NCOA2: variants seen among roughly 807,000 people sequenced by gnomAD.
NCOA2 encodes class E basic helix-loop-helix protein 75.
In NCOA2, 21 loss-of-function variants were observed where a neutral mutation model predicts 145.1. That is an observed-to-expected ratio of 0.14 (90% CI 0.10 to 0.21). The LOEUF (loss-of-function observed/expected upper bound fraction) is 0.21. Among genes scored for constraint, NCOA2 ranks in the 10% least tolerant of loss-of-function variants. The pLI is 1.00. For synonymous variants in NCOA2, 619 were observed against 637.5 expected, an observed-to-expected ratio of 0.97 and a Z score of 0.44; for missense variants, 1,472 against 1,837.6, an observed-to-expected ratio of 0.80 and a Z score of 3.64.
intron 2 of NCOA2, among the ~76,000 whole-genome samples, chr8:70,265,838 G>GTTGTTGTTGTTGTTGT (rs1563698994): frequency 1.4e-4 from 21 of 148,096 alleles, no homozygotes; most frequent in African/African-American, 5.2e-4. Context: ...TTGTTGTTTT[G>GTTGTTGTTGTTGTTGT]TTTGTTTTTT....
intron 21 of NCOA2, among the ~76,000 whole-genome samples, chr8:70,123,112 C>CAA (rs1462505729): frequency 3.9e-5 from 6 of 152,184 alleles, no homozygotes; most frequent in African/African-American, 7.2e-5. Context: ...ACTGCTATCT[C>CAA]AAATGCTTTG....
intron 2 of NCOA2, among the ~76,000 whole-genome samples, chr8:70,289,662 T>C (rs1482440724): frequency 6.6e-6 from 1 of 152,046 alleles, no homozygotes; most frequent in African/African-American, 2.4e-5. Context: ...AGTCCTTAAT[T>C]CTACTTTTTA....
chr8:70,125,322 C>A (rs180858866), intron 19 of NCOA2, among the ~76,000 whole-genome samples: 204 of 152,196 alleles, frequency 1.3e-3, no homozygotes, highest in African/African-American at 4.7e-3. Flanking sequence ...AGTACAGTGG[C>A]GTGATCATAG....
intron 1 of NCOA2, among the ~76,000 whole-genome samples, chr8:70,379,609 T>C (rs1439675017): frequency 6.6e-6 from 1 of 152,098 alleles, no homozygotes; most frequent in African/African-American, 2.4e-5. Context: ...CTGGGAAAAA[T>C]GAACTGCATT....
chr8:70,204,890 C>T (rs2133655100), intron 4 of NCOA2, among the ~76,000 whole-genome samples: 1 of 152,224 alleles, frequency 6.6e-6, no homozygotes, highest in South Asian at 2.1e-4. Flanking sequence ...CACCTATAAT[C>T]CCAGCTACTC....
At chr8:70,302,404 TGA>T (rs1477975363) in intron 1 of NCOA2, among the ~76,000 whole-genome samples, 5 of 152,152 alleles carry the variant, frequency 3.3e-5, no homozygotes, top group Non-Finnish European at 7.4e-5. Context: ...GACAAGCTCA[TGA>T]TTTCTTTCTC....
In NCOA2 at chr8:70,138,241, G is replaced by A. The variant is rs763384476; in HGVS notation, c.3120C>T (p.Ile1040=). 3.7e-6 allele frequency: 6 copies of A among 1,613,814 alleles called. No homozygotes were observed. The East Asian group carries it at 1.3e-4, about 36-fold the overall frequency. The stretch of plus-strand genomic sequence containing the variant: ...CAAAAGACGCCTGGTCTATAGGCAG[G>A]ATGCTTTCAGGCCATGGGGCAGTCT... The part of the protein sequence containing the change: ...PNQTAPWPES[I]LPIDQASFAS... The change falls in exon 15 of 23, where the codon ATC becomes ATT. Residue 1040 remains isoleucine (I), a synonymous_variant. Transcript: ENST00000452400.
At chr8:70,122,757 A>T (rs73684401) in intron 21 of NCOA2, among the ~76,000 whole-genome samples, 3,453 of 152,300 alleles carry the variant, frequency 0.023, 129 homozygotes, top group African/African-American at 0.079. Flanking sequence ...ATAGTTCTTA[A>T]AATTTTCACA....
At chr8:70,273,704 A>C (rs1825246751) in intron 2 of NCOA2, 1 of 636,204 alleles carries the variant, frequency 1.6e-6, no homozygotes, top group African/African-American at 1.8e-5. Context: ...CAGTCTGACT[A>C]GTTTAAGGAC....
At chr8:70,353,826 T>C (rs2130869167) in intron 1 of NCOA2, among the ~76,000 whole-genome samples, 1 of 152,306 alleles carries the variant, frequency 6.6e-6, no homozygotes, top group Non-Finnish European at 1.5e-5. Flanking sequence ...AATTGTTTGC[T>C]GGATATACAT....
At chr8:70,116,286 T>C (rs932169617) in intron 22 of NCOA2, among the ~76,000 whole-genome samples, 1 of 150,490 alleles carries the variant, frequency 6.6e-6, no homozygotes, top group African/African-American at 2.5e-5. Context: ...GCACAGTGGC[T>C]CACGCCTGTA....
rs1338737567 is a variant in NCOA2, at chr8:70,198,162, T to A, written c.259+15741A>T. Among the ~76,000 whole-genome samples the A allele has an allele frequency of 2.6e-5, 4 of 152,260 alleles. No individual in the cohort carries two copies. The East Asian group carries it at 7.7e-4, about 29-fold the overall frequency. ...CTTATGTACAAGACAGGTAAAAGGG[T>A]ATAAAAATTATTAAGATAAGGTTCC... On this transcript the variant is annotated intron_variant, in intron 4 of 22. Coordinates refer to ENST00000452400, the MANE Select transcript of NCOA2 (RefSeq NM_006540.4).
At chr8:70,290,775 T>C (rs989938467) in intron 2 of NCOA2, among the ~76,000 whole-genome samples, 2 of 152,196 alleles carry the variant, frequency 1.3e-5, no homozygotes, top group Non-Finnish European at 2.9e-5. Flanking sequence ...CTAGATGTTA[T>C]AAATGGTTCA....
intron 22 of NCOA2, 144 bp downstream of exon 22, chr8:70,121,158 G>A: frequency 1.6e-6 from 1 of 633,792 alleles, no homozygotes; most frequent in Non-Finnish European, 2.8e-6. Flanking sequence ...TCACACAAAA[G>A]CACTGTATGC....
chr8:70,369,489 G>C (rs1811018408), intron 1 of NCOA2, among the ~76,000 whole-genome samples: 1 of 152,170 alleles, frequency 6.6e-6, no homozygotes, highest in South Asian at 2.1e-4. Flanking sequence ...TTGCAACTCA[G>C]TTTTCTGATT....
the NCOA2 span, among the ~76,000 whole-genome samples, chr8:70,429,147 C>T: frequency 6.6e-6 from 1 of 152,176 alleles, no homozygotes; most frequent in Non-Finnish European, 1.5e-5. Flanking sequence ...ATTATAAATG[C>T]ATAATTTTGA....
At chr8:70,253,716 C>T (rs367898873) in intron 2 of NCOA2, among the ~76,000 whole-genome samples, 1 of 152,038 alleles carries the variant, frequency 6.6e-6, no homozygotes, top group East Asian at 1.9e-4. Flanking sequence ...AAGAATAATG[C>T]TGGAGCCTTA....
In NCOA2 at chr8:70,387,339, C is replaced by T. The variant is rs1812758493; in HGVS notation, c.-77+16361G>A. Among the ~76,000 whole-genome samples, 5 of 152,182 alleles carry T rather than the reference C, an allele frequency of 3.3e-5. No individual in the cohort carries two copies. In the South Asian group the frequency reaches 8.3e-4, roughly 25 times the overall value. On this transcript the variant is annotated intron_variant, in intron 1 of 22. Coordinates refer to ENST00000452400, the MANE Select transcript of NCOA2 (RefSeq NM_006540.4). ...CACCACCCTGCCATGTTGGCAATAT[C>T]AGAAAGTTCTTCTAAATGTCTGTCT...
intron 1 of NCOA2, among the ~76,000 whole-genome samples, chr8:70,333,337 C>A (rs1251167447): frequency 6.6e-6 from 1 of 152,144 alleles, no homozygotes; most frequent in Non-Finnish European, 1.5e-5. Context: ...GTCCCATCAC[C>A]CTGAAGCTGC....
Sources: gnomAD v4.1 joint callset for allele counts (sites outside exome capture counted in the v4.1 genomes callset) on GRCh38, gnomAD v4.1.1 for gene constraint, MANE v1.5 for transcripts, NCBI Gene and HGNC (gene_info 2026-07-23, HGNC 2026-07-21) for gene names.